Variants in TAF1 observed in about 807,000 individuals in gnomAD.
TAF1 encodes the protein transcription initiation factor TFIID subunit 1.
Under a neutral mutation model 138.5 loss-of-function variants are expected in TAF1, and 2 were observed. That is an observed-to-expected ratio of 0.01 (90% CI 0.01 to 0.05). The LOEUF (loss-of-function observed/expected upper bound fraction) is 0.05. Among genes scored for constraint, TAF1 ranks in the 10% least tolerant of loss-of-function variants. The pLI is 1.00. For synonymous variants in TAF1, 437 were observed against 503.2 expected (o/e 0.87, Z 1.76); for missense variants, 709 against 1,478.0 (o/e 0.48, Z 8.53).
In TAF1 at chrX:71,368,202, C is replaced by T. The variant is rs1053255200; in HGVS notation, c.352+32C>T. 2.0e-5 allele frequency: 24 copies of T among 1,181,193 alleles called. No homozygotes were observed. The South Asian group carries it at 3.3e-4, about 16-fold the overall frequency. On this transcript the variant is annotated intron_variant, in intron 3 of 37. Coordinates refer to ENST00000423759, the MANE Select transcript of TAF1 (RefSeq NM_004606.5). Reference sequence around the variant, plus strand: ...CTTTGGTGTATTGGCTTGAACATTCCAGTGCATTATCCTGCTGTATAGTCC... The same window carrying T: ...CTTTGGTGTATTGGCTTGAACATTCTAGTGCATTATCCTGCTGTATAGTCC...
chrX:71,450,964 T>C (rs1282560112), intron 32 of TAF1, among the ~76,000 whole-genome samples: 2 of 112,067 alleles, frequency 1.8e-5, no homozygotes, highest in African/African-American at 6.5e-5. Flanking sequence ...CCCCAGCCCA[T>C]TGGTGCCTTG....
downstream of TAF1, among the ~76,000 whole-genome samples, chrX:71,467,858 A>G (rs1198208525): frequency 8.9e-6 from 1 of 112,127 alleles, no homozygotes; most frequent in Admixed American, 9.5e-5. Context: ...CCTTTAAAGA[A>G]AATATTATGA....
chrX:71,436,457 C>T (rs1056354861), intron 32 of TAF1, among the ~76,000 whole-genome samples: 1 of 108,885 alleles, frequency 9.2e-6, no homozygotes, highest in South Asian at 4.0e-4. Flanking sequence ...CCTCGTGATC[C>T]GCCTGCCTCG....
At chrX:71,428,077 G>A (rs1442207597) in intron 32 of TAF1, among the ~76,000 whole-genome samples, 5 of 91,325 alleles carry the variant, frequency 5.5e-5, no homozygotes, top group East Asian at 3.7e-4. Context: ...GTGCAGTGGC[G>A]CGATCTTGGC....
intron 9 of TAF1, 44 bp downstream of exon 9, chrX:71,381,963 T>C: frequency 1.8e-6 from 2 of 1,108,570 alleles, no homozygotes; most frequent in South Asian, 4.8e-5. Context: ...CTTTGAAAAC[T>C]TGCTGTTAAT....
chrX:71,403,555 CCT>C (rs966968819), intron 25 of TAF1, among the ~76,000 whole-genome samples: 3 of 111,536 alleles, frequency 2.7e-5, no homozygotes, highest in African/African-American at 6.5e-5. Context: ...AAGTGGTGAT[CCT>C]CAGATCCTAT....
At chrX:71,497,344 T>C (rs943591054) in intron 13 of TAF1, among the ~76,000 whole-genome samples, 12 of 111,600 alleles carry the variant, frequency 1.1e-4, no homozygotes. Flanking sequence ...ATGTGAGTAT[T>C]TGAAGCACCG....
At chrX:71,505,067 G>A (rs1279215686) in intron 13 of TAF1, among the ~76,000 whole-genome samples, 1 of 109,571 alleles carries the variant, frequency 9.1e-6, no homozygotes, top group Admixed American at 1.0e-4. Flanking sequence ...GGGGGCTGAG[G>A]TTGCAGTGAG....
At chrX:71,419,979 C>A (rs1317277958) in intron 28 of TAF1, 1 of 259,055 alleles carries the variant, frequency 3.9e-6, no homozygotes, top group East Asian at 8.6e-5. Context: ...ACTTTTTTCC[C>A]ATCAAGGTCA....
At chrX:71,526,720 G>A (rs967940509) in intron 13 of TAF1, among the ~76,000 whole-genome samples, 8 of 110,576 alleles carry the variant, frequency 7.2e-5, no homozygotes, top group Non-Finnish European at 1.5e-4. Context: ...TATCACATAC[G>A]TATGTCTCTT....
At chrX:71,373,146 G>A (rs1170122881) in intron 3 of TAF1, among the ~76,000 whole-genome samples, 2 of 105,177 alleles carry the variant, frequency 1.9e-5, no homozygotes, top group African/African-American at 7.0e-5. Flanking sequence ...GATTACAGGC[G>A]TGAGCCTCTG....
At chrX:71,447,766 C>T (rs931183559) in intron 32 of TAF1, among the ~76,000 whole-genome samples, 2 of 109,545 alleles carry the variant, frequency 1.8e-5, no homozygotes, top group Non-Finnish European at 3.8e-5. Flanking sequence ...TTGTGACTTG[C>T]GTTTCTTCTC....
At chrX:71,473,685 C>T (rs983638350) in intron 13 of TAF1, among the ~76,000 whole-genome samples, 1 of 108,884 alleles carries the variant, frequency 9.2e-6, no homozygotes, top group Non-Finnish European at 1.9e-5. Flanking sequence ...GCATGATACC[C>T]CCGACTCTTA....
At chrX:71,412,669 C>T (rs1275738978) in intron 28 of TAF1, among the ~76,000 whole-genome samples, 1 of 111,930 alleles carries the variant, frequency 8.9e-6, no homozygotes, top group Non-Finnish European at 1.9e-5. Flanking sequence ...CTCACTGCAA[C>T]CTCCACCTCC....
intron 13 of TAF1, among the ~76,000 whole-genome samples, chrX:71,524,450 A>G (rs966527249): frequency 3.6e-5 from 4 of 111,664 alleles, no homozygotes; most frequent in Non-Finnish European, 5.6e-5. Context: ...ACCAATGTTT[A>G]TGCAAAATTA....
chrX:71,505,388 A>G (rs1471219163), intron 13 of TAF1, among the ~76,000 whole-genome samples: 3 of 111,108 alleles, frequency 2.7e-5, no homozygotes, highest in African/African-American at 9.8e-5. Flanking sequence ...CAGTGGAGAA[A>G]CCTCACAAAC....
At chrX:71,374,155 C>T (rs1439848849) in intron 3 of TAF1, among the ~76,000 whole-genome samples, 1 of 110,266 alleles carries the variant, frequency 9.1e-6, no homozygotes, top group East Asian at 2.8e-4. Context: ...GCAATCTCGG[C>T]TTACTGCAAC....
chrX:71,508,723 G>A (rs1419441334), intron 13 of TAF1, among the ~76,000 whole-genome samples: 1 of 104,560 alleles, frequency 9.6e-6, no homozygotes. Context: ...AGATATATAT[G>A]GAGAGACAGA....
chrX:71,524,933 T>A (rs1267237251), intron 13 of TAF1, among the ~76,000 whole-genome samples: 1 of 93,882 alleles, frequency 1.1e-5, no homozygotes, highest in Non-Finnish European at 2.1e-5. Context: ...AGAGTGAGAC[T>A]CTGTCTCAAA....
Sources: gnomAD v4.1 joint callset for allele counts (sites outside exome capture counted in the v4.1 genomes callset) on GRCh38, gnomAD v4.1.1 for gene constraint, MANE v1.5 for transcripts, NCBI Gene and HGNC (gene_info 2026-07-23, HGNC 2026-07-21) for gene names.